Variants in CSMD2 observed in about 807,000 individuals in gnomAD.
CSMD2 encodes the protein CUB and Sushi multiple domains 2.
Under a neutral mutation model 398.5 loss-of-function variants are expected in CSMD2, and 130 were observed. The observed-to-expected ratio is 0.33, with a 90% CI of 0.28 to 0.38. CSMD2 has a LOEUF of 0.38. Among genes scored for constraint, CSMD2 ranks in the 10% least tolerant of loss-of-function variants. The pLI, the probability that CSMD2 is intolerant of heterozygous loss-of-function variation, is 1.00. For missense variants in CSMD2, 3,829 were observed against 4,764.9 expected (o/e 0.80, Z 5.78); for synonymous variants, 1,828 against 1,908.5 (o/e 0.96, Z 1.10).
At chr1:33,717,787 T>G (rs1646221081) in intron 19 of CSMD2, among the ~76,000 whole-genome samples, 2 of 150,130 alleles carry the variant, frequency 1.3e-5, no homozygotes, top group African/African-American at 2.5e-5. Flanking sequence ...TGACAGGGAG[T>G]AGGAGACCAG....
At chr1:33,821,788 T>C (rs1298823969) in intron 7 of CSMD2, among the ~76,000 whole-genome samples, 1 of 151,706 alleles carries the variant, frequency 6.6e-6, no homozygotes, top group Non-Finnish European at 1.5e-5. Flanking sequence ...GGGACCACAG[T>C]GGGGAGGGAT....
chr1:33,522,474 G>A (rs1448371478), intron 67 of CSMD2, among the ~76,000 whole-genome samples: 1 of 152,166 alleles, frequency 6.6e-6, no homozygotes, highest in Non-Finnish European at 1.5e-5. Flanking sequence ...TTATGAAGGG[G>A]ACCTACAGAT....
At chr1:33,974,903 C>G (rs1034405107) in intron 3 of CSMD2, among the ~76,000 whole-genome samples, 2 of 152,328 alleles carry the variant, frequency 1.3e-5, no homozygotes, top group Admixed American at 1.3e-4. Context: ...CACTTTTCAT[C>G]TTTGAGTGTC....
intron 25 of CSMD2, among the ~76,000 whole-genome samples, chr1:33,684,393 C>T (rs1413773374): frequency 6.6e-6 from 1 of 152,174 alleles, no homozygotes; most frequent in Non-Finnish European, 1.5e-5. Flanking sequence ...AGAAGTTCTC[C>T]ACCTTCCATG....
Position 33,810,762 on chromosome 1 carries a change from G to C in CSMD2, c.1427C>G (p.Thr476Arg), listed in dbSNP as rs553033086. ...GCTTACCTTGGAGGGGTTGAGTGCT[G>C]TGATGATCCACACACAGTGTGCATT... The part of the protein sequence containing the change: ...DNNAHCVWII[T>R]ALNPSKVIKL... Residue 476 changes from threonine to arginine, a missense_variant, in exon 10 of 71, where the codon ACA becomes AGA. By Grantham distance (71) the Thr-to-Arg change is moderately conservative. This residue lies in a region of CSMD2 where 2,001 missense variants were observed against 2,567.1 expected (regional missense o/e 0.78). Coordinates refer to ENST00000373381, the MANE Select transcript of CSMD2 (RefSeq NM_001281956.2). 1 of 1,613,496 alleles carries C rather than the reference G, an allele frequency of 6.2e-7. No individual in the cohort carries two copies. Among genetic ancestry groups the C allele is most frequent in the South Asian group, 1.1e-5 (1 of 91,046 alleles).
chr1:33,988,836 GAAT>G (rs1394952421), intron 3 of CSMD2, among the ~76,000 whole-genome samples: 1 of 151,638 alleles, frequency 6.6e-6, no homozygotes, highest in African/African-American at 2.4e-5. Context: ...TAGAACAACT[GAAT>G]ATTCACACAG....
chr1:33,553,802 T>C (rs1317098549), intron 55 of CSMD2, among the ~76,000 whole-genome samples: 1 of 152,148 alleles, frequency 6.6e-6, no homozygotes, highest in East Asian at 1.9e-4. Context: ...TAAGTCTTTA[T>C]TGTAGGGGGC....
chr1:33,764,548 T>C (rs1260158129), intron 13 of CSMD2, among the ~76,000 whole-genome samples: 1 of 152,216 alleles, frequency 6.6e-6, no homozygotes, highest in Non-Finnish European at 1.5e-5. Flanking sequence ...TGGGACTTCC[T>C]AAGTTCCCTG....
At chr1:33,920,387 A>G (rs982129240) in intron 4 of CSMD2, among the ~76,000 whole-genome samples, 5 of 151,516 alleles carry the variant, frequency 3.3e-5, no homozygotes, top group African/African-American at 9.7e-5. Flanking sequence ...AAAAAAAAAA[A>G]AAAAGTTGGC....
intron 2 of CSMD2, among the ~76,000 whole-genome samples, chr1:34,067,070 C>T (rs1655197404): frequency 6.6e-6 from 1 of 152,138 alleles, no homozygotes; most frequent in Non-Finnish European, 1.5e-5. Context: ...ATGCCCGCAC[C>T]AGGGCTGTAA....
intron 49 of CSMD2, among the ~76,000 whole-genome samples, chr1:33,576,219 A>T (rs940580817): frequency 6.6e-6 from 1 of 152,252 alleles, no homozygotes; most frequent in Non-Finnish European, 1.5e-5. Flanking sequence ...ATGACCAACA[A>T]GAGAATGATA....
intron 28 of CSMD2, among the ~76,000 whole-genome samples, chr1:33,651,347 A>T (rs1454667080): frequency 1.3e-5 from 2 of 152,228 alleles, no homozygotes; most frequent in Non-Finnish European, 2.9e-5. Context: ...GGCTCAGAAC[A>T]GAGCTCTTCT....
intron 6 of CSMD2, among the ~76,000 whole-genome samples, chr1:33,828,778 A>T (rs1297887454): frequency 6.6e-6 from 1 of 151,824 alleles, no homozygotes; most frequent in East Asian, 1.9e-4. Flanking sequence ...CACCCTCTCC[A>T]CTCATTCCTC....
In CSMD2 at chr1:33,587,154, T is replaced by C. The variant is rs1278555895; in HGVS notation, c.6871A>G (p.Lys2291Glu). Residue 2291 changes from lysine (K) to glutamate (E), a missense_variant, in exon 45 of 71, where the codon AAA (lysine) becomes GAA (glutamate). Physicochemically the swap from Lys to Glu is moderately conservative, Grantham distance 56. Around this residue, in one of 5 missense-constraint regions of CSMD2, gnomAD observed 723 missense variants for 758.6 expected, o/e 0.95. Transcript: ENST00000373381. ...AIAFSAYPLT[K>E]CPPPTILPNA... is the part of the protein sequence containing the mutation. ...GGGAGGATGGTGGGAGGAGGGCATT[T>C]GGTGAGTGGATAAGCTGAAAAGATA... 6.2e-7 allele frequency: 1 copy of C among 1,609,642 alleles called. No individual in the cohort carries two copies. The highest frequency in any genetic ancestry group is 8.5e-7 in the Non-Finnish European group (1 of 1,178,222).
chr1:34,142,935 G>C (rs1639439396), intron 1 of CSMD2, among the ~76,000 whole-genome samples: 1 of 152,102 alleles, frequency 6.6e-6, no homozygotes, highest in Non-Finnish European at 1.5e-5. Flanking sequence ...TCTATCTAGG[G>C]CTGCGACATT....
At chr1:33,651,002 T>C (rs1571089953) in intron 28 of CSMD2, among the ~76,000 whole-genome samples, 1 of 152,242 alleles carries the variant, frequency 6.6e-6, no homozygotes, top group Non-Finnish European at 1.5e-5. Flanking sequence ...CGTTGTTGCA[T>C]GTATCAGTAG....
Position 33,868,783 on chromosome 1 carries a change from G to A in CSMD2, c.921-21787C>T, listed in dbSNP as rs191342167. Among the ~76,000 whole-genome samples the A allele has an allele frequency of 2.8e-3, 428 of 152,110 alleles. 3 individuals are homozygous for A. Among genetic ancestry groups the A allele is most frequent in the South Asian group, 4.8e-3 (23 of 4,818 alleles). Reference sequence around the variant, plus strand: ...CAACACAAATACATATATCGAATCAGTTTTTGATAGGGTAAAGTACTCACT... The same window carrying A: ...CAACACAAATACATATATCGAATCAATTTTTGATAGGGTAAAGTACTCACT... On this transcript the variant is annotated intron_variant, in intron 5 of 70. Coordinates refer to ENST00000373381, the MANE Select transcript of CSMD2 (RefSeq NM_001281956.2).
Position 33,698,774 on chromosome 1 carries a change from G to A in CSMD2, c.3904C>T (p.Arg1302Trp), listed in dbSNP as rs779459100. The A allele has an allele frequency of 8.4e-5, 136 of 1,612,960 alleles. No individual in the cohort carries two copies. Among genetic ancestry groups the A allele is most frequent in the Non-Finnish European group, 1.2e-4 (136 of 1,179,488 alleles). ...CTACCGACACAGGTGGGCAGAGGCCGGTCCCAGGTCCGGCGCTCTCCACTC... is the reference window on the plus strand; with the variant it reads ...CTACCGACACAGGTGGGCAGAGGCCAGTCCCAGGTCCGGCGCTCTCCACTC... ...CLSGERRTWD[R>W]PLPTCVAECG... The change falls in exon 24 of 71, where the codon CGG becomes TGG. Residue 1302 changes from arginine to tryptophan, a missense_variant. Physicochemically the swap from Arg to Trp is moderately radical, Grantham distance 101. Transcript: ENST00000373381.
rs1255834797 is a variant in CSMD2, at chr1:33,567,641, T to C, written c.8332A>G (p.Ile2778Val). Reference protein sequence around the residue: ...GFRLIGMSVRICQQDHHWSGK... With the variant: ...GFRLIGMSVRVCQQDHHWSGK... ...GACCAGTGATGATCCTGCTGGCAGA[T>C]GCGCACAGACATGCCGATCAGGCGG... The change falls in exon 53 of 71, where the codon ATC (isoleucine) becomes GTC (valine). Residue 2778 changes from isoleucine (I) to valine (V), a missense_variant. This residue lies in a region of CSMD2 where 917 missense variants were observed against 1,199.5 expected (regional missense o/e 0.76). Transcript: ENST00000373381. 5.6e-6 allele frequency: 9 copies of C among 1,614,162 alleles called. No individual in the cohort carries two copies. Among genetic ancestry groups the C allele is most frequent in the Non-Finnish European group, 7.6e-6 (9 of 1,180,018 alleles).
Sources: allele counts gnomAD v4.1 joint callset (sites outside exome capture counted in the v4.1 genomes callset), GRCh38; gene constraint gnomAD v4.1.1; regional missense constraint gnomAD v4.1.1; transcripts MANE v1.5; gene names NCBI Gene and HGNC (gene_info 2026-07-23, HGNC 2026-07-21).